Variants in RASSF3 observed in about 807,000 individuals in gnomAD.
RASSF3 encodes the protein Ras association domain family member 3.
In RASSF3, 19 loss-of-function variants were observed where a neutral mutation model predicts 19.9. The observed-to-expected ratio is 0.96, with a 90% CI of 0.67 to 1.40. The LOEUF is 1.40. RASSF3 is among the 40% of genes most tolerant of loss of function. The pLI, the probability that RASSF3 is intolerant of heterozygous loss-of-function variation, is 0.00. For missense variants in RASSF3, 306 were observed against 289.8 expected (o/e 1.06, Z -0.41); for synonymous variants, 110 against 104.2 (o/e 1.06, Z -0.34).
intron 2 of RASSF3, among the ~76,000 whole-genome samples, chr12:64,599,948 C>T (rs994109247): frequency 2.1e-5 from 3 of 145,034 alleles, no homozygotes; most frequent in Non-Finnish European, 4.5e-5. Context: ...AGGAGAATGG[C>T]GTGAACCCAG....
At position 64,517,804 on chromosome 12, in the gene RASSF3, A is replaced by G. The variant is rs1376693263; in HGVS notation, c.169+10475A>G. Among the ~76,000 whole-genome samples, 9 of 152,096 alleles carry G rather than the reference A, an allele frequency of 5.9e-5. No individual in the cohort carries two copies. The East Asian group carries it at 1.7e-3, about 29-fold the overall frequency. ...CAGCTAATTTTTGTACTTTTTGTAGAGATGGGGTCTCACTATGTTGCCCAG... is the reference window on the plus strand; with the variant it reads ...CAGCTAATTTTTGTACTTTTTGTAGGGATGGGGTCTCACTATGTTGCCCAG... On this transcript the variant is annotated intron_variant, in intron 1 of 5. Coordinates refer to the RASSF3 transcript ENST00000637125.
intron 1 of RASSF3, among the ~76,000 whole-genome samples, chr12:64,512,763 C>T (rs985555055): frequency 1.3e-5 from 2 of 152,150 alleles, no homozygotes; most frequent in African/African-American, 4.8e-5. Flanking sequence ...AGTCTAGCCC[C>T]TTTTATTCTG....
At chr12:64,611,131 TGTTA>T (rs1225884576) in intron 1 of RASSF3, among the ~76,000 whole-genome samples, 1 of 152,056 alleles carries the variant, frequency 6.6e-6, no homozygotes, top group Non-Finnish European at 1.5e-5. Context: ...CTGTCCTTCC[TGTTA>T]GTCAGCTTAC....
intron 1 of RASSF3, among the ~76,000 whole-genome samples, chr12:64,647,449 T>C (rs559505749): frequency 2.4e-3 from 355 of 150,260 alleles, no homozygotes; most frequent in Non-Finnish European, 3.6e-3. Context: ...CTTGCACTGT[T>C]GCCCAGGCTG....
intron 1 of RASSF3, among the ~76,000 whole-genome samples, chr12:64,678,066 A>C (rs1407480741): frequency 6.6e-6 from 1 of 152,168 alleles, no homozygotes; most frequent in Non-Finnish European, 1.5e-5. Context: ...GGTCCATGGT[A>C]CTTTATTTGA....
intron 1 of RASSF3, among the ~76,000 whole-genome samples, chr12:64,631,600 CT>C (rs1871170657): frequency 6.6e-6 from 1 of 151,908 alleles, no homozygotes; most frequent in Non-Finnish European, 1.5e-5. Context: ...GAGACATAGT[CT>C]TGCTCTGTCG....
At chr12:64,549,313 A>G (rs1869118624) in intron 2 of RASSF3, among the ~76,000 whole-genome samples, 1 of 152,212 alleles carries the variant, frequency 6.6e-6, no homozygotes, top group Admixed American at 6.5e-5. Context: ...TGCCTGGACA[A>G]CATAGTGAGA....
Position 64,612,359 on chromosome 12 carries a change from C to T in RASSF3, c.111+1616C>T, listed in dbSNP as rs557422823. 3.9e-5 allele frequency among the ~76,000 whole-genome samples: 6 copies of T among 152,168 alleles called. No individual in the cohort carries two copies. In the South Asian group the frequency reaches 8.3e-4, roughly 21 times the overall value. On this transcript the variant is annotated intron_variant, in intron 1 of 4. Transcript: ENST00000542104. ...CTGAAAACTGGCTGGTTCTTGGATT[C>T]TCCAGGGGTGAGATGCCACAAGGGC... is the stretch of plus-strand genomic sequence containing the variant.
intron 1 of RASSF3, among the ~76,000 whole-genome samples, chr12:64,508,557 T>C (rs2136096315): frequency 6.6e-6 from 1 of 150,852 alleles, no homozygotes; most frequent in Non-Finnish European, 1.5e-5. Context: ...TGATCTATAA[T>C]CACCAAGGCA....
chr12:64,511,407 G>A (rs1456725212), intron 1 of RASSF3, among the ~76,000 whole-genome samples: 2 of 151,952 alleles, frequency 1.3e-5, no homozygotes, highest in African/African-American at 4.8e-5. Flanking sequence ...GCTGGAACCC[G>A]GGAGGTGGAG....
intron 1 of RASSF3, among the ~76,000 whole-genome samples, chr12:64,521,618 A>C (rs943209989): frequency 6.6e-6 from 1 of 152,226 alleles, no homozygotes; most frequent in African/African-American, 2.4e-5. Context: ...CACAGGTATC[A>C]GGATTGTTGG....
chr12:64,664,314 T>C (rs1872475661), intron 1 of RASSF3, among the ~76,000 whole-genome samples: 1 of 152,176 alleles, frequency 6.6e-6, no homozygotes. Flanking sequence ...ATGCTGCATT[T>C]CAGAAGTATT....
intron 1 of RASSF3, among the ~76,000 whole-genome samples, chr12:64,527,854 G>A (rs1452041379): frequency 6.6e-6 from 1 of 152,194 alleles, no homozygotes; most frequent in African/African-American, 2.4e-5. Context: ...AGTATTGCTT[G>A]AACCTGGGAG....
Position 64,696,098 on chromosome 12 carries a change from C to CCCCCCTCCCTCCCTCCCTCCCTCACTCA in RASSF3, c.*1187_*1188insCCCCTCCCTCCCTCCCTCCCTCACTCAC. Reference sequence around the variant, plus strand: ...ACCTTGTTCTTTTCCTCCCTCCCTCCCTCCCTCCCTCCCTCCCTCCCTCCT... The same window carrying CCCCCCTCCCTCCCTCCCTCCCTCACTCA: ...ACCTTGTTCTTTTCCTCCCTCCCTCCCCCCCTCCCTCCCTCCCTCCCTCACTCACTCCCTCCCTCCCTCCCTCCCTCCT... On this transcript the variant is annotated 3_prime_UTR_variant, in exon 5 of 5. Coordinates refer to ENST00000542104, the MANE Select transcript of RASSF3 (RefSeq NM_178169.4). The CCCCCCTCCCTCCCTCCCTCCCTCACTCA allele has an allele frequency of 8.5e-6, 1 of 117,984 alleles. No individual in the cohort carries two copies. Among genetic ancestry groups the CCCCCCTCCCTCCCTCCCTCCCTCACTCA allele is most frequent in the Non-Finnish European group, 1.8e-5 (1 of 56,160 alleles). 7.3% of individuals were successfully genotyped at this position (117,984 alleles called of 1,614,324 possible).
chr12:64,552,162 T>C (rs1351534513), intron 2 of RASSF3, among the ~76,000 whole-genome samples: 2 of 152,082 alleles, frequency 1.3e-5, no homozygotes, highest in African/African-American at 2.4e-5. Context: ...TGGGAAAATT[T>C]ACTTTGGGGA....
At chr12:64,585,244 A>C (rs948728274) in intron 2 of RASSF3, among the ~76,000 whole-genome samples, 12 of 152,108 alleles carry the variant, frequency 7.9e-5, no homozygotes, top group African/African-American at 2.9e-4. Context: ...ACTTCCCTAA[A>C]ATAAAATCCA....
chr12:64,618,490 C>A (rs575080561), intron 1 of RASSF3, among the ~76,000 whole-genome samples: 10 of 152,204 alleles, frequency 6.6e-5, no homozygotes, highest in Admixed American at 6.6e-4. Context: ...CCATCCCCGG[C>A]TAATTTTTGT....
At chr12:64,514,271 C>T (rs909619823) in intron 1 of RASSF3, among the ~76,000 whole-genome samples, 5 of 148,724 alleles carry the variant, frequency 3.4e-5, no homozygotes, top group Non-Finnish European at 7.4e-5. Context: ...TCGGCTCACT[C>T]CACCTCCCAG....
chr12:64,603,163 CTTT>C (rs549257057), intron 2 of RASSF3, among the ~76,000 whole-genome samples: 2 of 149,804 alleles, frequency 1.3e-5, no homozygotes, highest in East Asian at 1.9e-4. Flanking sequence ...GTTTCTTTAA[CTTT>C]TTTTTTTGTT....
Sources: allele counts gnomAD v4.1 joint callset (sites outside exome capture counted in the v4.1 genomes callset), GRCh38; gene constraint gnomAD v4.1.1; transcripts MANE v1.5; gene names NCBI Gene and HGNC (gene_info 2026-07-23, HGNC 2026-07-21).